RSPO4: variants seen among roughly 807,000 people sequenced by gnomAD.
The protein encoded by RSPO4 is R-spondin-4.
A neutral mutation model predicts 24.8 loss-of-function variants in RSPO4; 23 were observed. The ratio of observed to expected loss-of-function variants is 0.93; its 90% CI spans 0.67 to 1.31. The LOEUF is 1.31. Among genes scored for constraint, RSPO4 ranks in the 40% most tolerant of loss-of-function variants. RSPO4 has a pLI of 0.00. For synonymous variants in RSPO4, 141 were observed against 127.4 expected, an observed-to-expected ratio of 1.11 and a Z score of -0.72; for missense variants, 333 against 316.5, an observed-to-expected ratio of 1.05 and a Z score of -0.39.
At chr20:967,569 T>C (rs1049188633) in intron 2 of RSPO4, among the ~76,000 whole-genome samples, 2 of 152,244 alleles carry the variant, frequency 1.3e-5, no homozygotes, top group Non-Finnish European at 2.9e-5. Context: ...AAACCAGGGC[T>C]GGAGTGAGGA....
chr20:988,270 A>G (rs927710536), intron 1 of RSPO4, among the ~76,000 whole-genome samples: 1 of 152,186 alleles, frequency 6.6e-6, no homozygotes, highest in Non-Finnish European at 1.5e-5. Flanking sequence ...TTGGGAAGCC[A>G]CTGTGGGTTG....
chr20:993,127 C>T (rs539338763), intron 1 of RSPO4, among the ~76,000 whole-genome samples: 384 of 152,136 alleles, frequency 2.5e-3, no homozygotes, highest in Non-Finnish European at 5.0e-3. Flanking sequence ...GAGTGGTTTC[C>T]CCATGTGGCC....
intron 1 of RSPO4, among the ~76,000 whole-genome samples, chr20:972,619 T>C (rs573679091): frequency 4.6e-5 from 7 of 152,350 alleles, no homozygotes; most frequent in Admixed American, 3.9e-4. Flanking sequence ...TTGGCGTGGC[T>C]GTATTAACCC....
chr20:974,851 A>T (rs1463292661), intron 1 of RSPO4, among the ~76,000 whole-genome samples: 1 of 152,140 alleles, frequency 6.6e-6, no homozygotes, highest in Non-Finnish European at 1.5e-5. Context: ...GGGATCCATA[A>T]ATTCTCTTTT....
chr20:965,768 T>C (rs79277143), intron 3 of RSPO4, among the ~76,000 whole-genome samples: 134 of 152,304 alleles, frequency 8.8e-4, no homozygotes, highest in Non-Finnish European at 1.4e-3. Context: ...CCACCCAAAA[T>C]ATTATGCATT....
In RSPO4 at chr20:981,804, C is replaced by G. The variant is rs1410717584; in HGVS notation, c.80-13666G>C. Among the ~76,000 whole-genome samples the G allele has an allele frequency of 6.6e-6, 1 of 152,160 alleles. No individual in the cohort carries two copies. Among genetic ancestry groups the G allele is most frequent in the Non-Finnish European group, 1.5e-5 (1 of 68,038 alleles). ...AGCATAGAGAAGGCCTGAGCCCCTGCCCTATGCTGGTCCTGCAGGGCTCGG... is the reference window on the plus strand; with the variant it reads ...AGCATAGAGAAGGCCTGAGCCCCTGGCCTATGCTGGTCCTGCAGGGCTCGG... On this transcript the variant is annotated intron_variant, in intron 1 of 4. Transcript: ENST00000217260. The surrounding 1 kb of genome is among the most constrained non-coding windows in gnomAD (Gnocchi z 4.6).
chr20:995,600 T>A (rs907489066), intron 1 of RSPO4, among the ~76,000 whole-genome samples: 1 of 152,098 alleles, frequency 6.6e-6, no homozygotes, highest in Non-Finnish European at 1.5e-5. Context: ...TCAGGGCGAT[T>A]AGAAACAAGC....
chr20:984,008 A>G (rs999995339), intron 1 of RSPO4, among the ~76,000 whole-genome samples: 1 of 152,122 alleles, frequency 6.6e-6, no homozygotes, highest in Admixed American at 6.5e-5. Context: ...TCCAAAATAA[A>G]TACCCTCCTC....
Position 1,002,269 on chromosome 20 carries a change from CG to C in RSPO4, c.-106del. 1 of 564,474 alleles carries C rather than the reference CG, an allele frequency of 1.8e-6. No individual in the cohort carries two copies. Among genetic ancestry groups the C allele is most frequent in the East Asian group, 6.4e-5 (1 of 15,742 alleles). 35.0% of individuals were successfully genotyped at this position (564,474 alleles called of 1,614,324 possible). A position where few individuals can be genotyped will look rare whatever the true frequency, so the allele number is the denominator to read the frequency against. The stretch of plus-strand genomic sequence containing the variant: ...GGCGCGGGGGCTGCTGTGGGCGCGC[CG>C]GGCGCATCCGCCAGGCGCGGGTCGG... On this transcript the variant is annotated 5_prime_UTR_variant, in exon 1 of 5. Coordinates refer to ENST00000217260, the MANE Select transcript of RSPO4 (RefSeq NM_001029871.4). The surrounding 1 kb of genome is among the most constrained non-coding windows in gnomAD (Gnocchi z 4.6).
At chr20:963,385 T>A (rs1984067554) in intron 4 of RSPO4, among the ~76,000 whole-genome samples, 2 of 152,196 alleles carry the variant, frequency 1.3e-5, no homozygotes, top group African/African-American at 4.8e-5. Flanking sequence ...TCAATTGGGT[T>A]GGACCTTACT....
intron 3 of RSPO4, 63 bp downstream of exon 3, chr20:967,111 C>T: frequency 6.5e-7 from 1 of 1,548,642 alleles, no homozygotes; most frequent in Non-Finnish European, 8.8e-7. Context: ...TAACATCTCT[C>T]ACCAAGCCCC....
intron 1 of RSPO4, among the ~76,000 whole-genome samples, chr20:973,720 A>T (rs1984480543): frequency 6.6e-6 from 1 of 152,172 alleles, no homozygotes. Context: ...AAAAAGCTAC[A>T]GTATATGCTG....
chr20:983,470 T>G (rs967585201), intron 1 of RSPO4, among the ~76,000 whole-genome samples: 1 of 152,202 alleles, frequency 6.6e-6, no homozygotes. Context: ...CATCTTGAGC[T>G]GTCTTTTTGG....
At chr20:965,592 G>A (rs936537414) in intron 3 of RSPO4, among the ~76,000 whole-genome samples, 1 of 152,244 alleles carries the variant, frequency 6.6e-6, no homozygotes, top group Non-Finnish European at 1.5e-5. Flanking sequence ...GCGGGAGACG[G>A]GCAGGAGCTG....
In RSPO4 at chr20:981,035, C is replaced by T. The variant is rs141483701; in HGVS notation, c.80-12897G>A. The stretch of plus-strand genomic sequence containing the variant: ...TGGCCCGAGAACTCACTTTAAGAAG[C>T]GAGGCGGGAGATGCTGTTATCATTC... On this transcript the variant is annotated intron_variant, in intron 1 of 4. Transcript: ENST00000217260. This position sits in a 1 kb window ranked among gnomAD's most constrained non-coding sequence, Gnocchi z 4.6. Among the ~76,000 whole-genome samples the T allele has an allele frequency of 1.3e-5, 2 of 152,250 alleles. No individual in the cohort carries two copies. The highest frequency in any genetic ancestry group is 2.4e-5 in the African/African-American group (1 of 41,546).
chr20:979,074 T>C (rs1984655997), intron 1 of RSPO4, among the ~76,000 whole-genome samples: 1 of 151,920 alleles, frequency 6.6e-6, no homozygotes, highest in Non-Finnish European at 1.5e-5. Flanking sequence ...GTCTCTTCTC[T>C]CTCCCTCATA....
intron 3 of RSPO4, among the ~76,000 whole-genome samples, chr20:965,833 G>A (rs1027120421): frequency 5.3e-5 from 8 of 152,218 alleles, no homozygotes; most frequent in African/African-American, 1.7e-4. Context: ...CTTGAGTGCA[G>A]AGGCTTTGTC....
chr20:958,928 AG>A lies in RSPO4; in HGVS notation c.*1428del, dbSNP rs896902441. The A allele has an allele frequency of 1.3e-5, 2 of 152,446 alleles. No individual in the cohort carries two copies. Among genetic ancestry groups the A allele is most frequent in the Non-Finnish European group, 2.9e-5 (2 of 68,298 alleles). The allele number at this position is 152,446 out of a possible 1,614,324, so 9.4% of individuals were successfully genotyped here. A position where few individuals can be genotyped will look rare whatever the true frequency, so the allele number is the denominator to read the frequency against. ...GAGGATTCCGGGGAGCAGAGCAGGA[AG>A]GGGGTGTTATGATGGCAGAAGGATA... is the stretch of plus-strand genomic sequence containing the variant. On this transcript the variant is annotated 3_prime_UTR_variant, in exon 5 of 5. Transcript: ENST00000217260.
intron 1 of RSPO4, among the ~76,000 whole-genome samples, chr20:968,418 GA>G (rs1984302044): frequency 6.6e-6 from 1 of 152,250 alleles, no homozygotes; most frequent in Non-Finnish European, 1.5e-5. Flanking sequence ...CTGTTGGGTG[GA>G]ATGTGAACGA....
Sources: allele counts gnomAD v4.1 joint callset (sites outside exome capture counted in the v4.1 genomes callset), GRCh38; gene constraint gnomAD v4.1.1; non-coding constraint Gnocchi (gnomAD v3.1); transcripts MANE v1.5; gene names NCBI Gene and HGNC (gene_info 2026-07-23, HGNC 2026-07-21).